DCLK1: variants seen among roughly 807,000 people sequenced by gnomAD.
The protein encoded by DCLK1 is doublecortin like kinase 1, also known as serine/threonine-protein kinase DCLK1.
DCLK1 carries 16 observed loss-of-function variants against 86.2 expected under a neutral mutation model. The observed-to-expected ratio is 0.19, with a 90% CI of 0.13 to 0.28. The LOEUF (loss-of-function observed/expected upper bound fraction) is 0.28, where lower values mean the gene tolerates loss of function less well. Among genes scored for constraint, DCLK1 ranks in the 10% least tolerant of loss-of-function variants. DCLK1 has a pLI of 1.00. For missense variants in DCLK1, 590 were observed against 940.2 expected, an observed-to-expected ratio of 0.63 and a Z score of 4.87; for synonymous variants, 369 against 370.5, an observed-to-expected ratio of 1.00 and a Z score of 0.05.
chr13:36,112,082 T>C lies in DCLK1; in HGVS notation c.510A>G (p.Lys170=), dbSNP rs1292482849. 6.2e-7 allele frequency: 1 copy of C among 1,614,214 alleles called. No individual in the cohort carries two copies. Among genetic ancestry groups the C allele is most frequent in the Non-Finnish European group, 8.5e-7 (1 of 1,180,038 alleles). The change falls in exon 3 of 17, where the codon AAA becomes AAG. Residue 170 remains lysine (K), a synonymous_variant. Coordinates refer to ENST00000360631, the MANE Select transcript of DCLK1 (RefSeq NM_001330071.2). ...TCTCTCGCACCTCTGAAGGGCTTCC[T>C]TTGGCAGTGGCCAGTGAAGACACTG... The part of the protein sequence containing the change: ...SRAVSSLATA[K]GSPSEVRENK...
intron 15 of DCLK1, 77 bp from the exon 16 acceptor site, chr13:35,793,556 T>C: frequency 9.1e-7 from 1 of 1,102,758 alleles, no homozygotes; most frequent in Non-Finnish European, 1.3e-6. Context: ...AATCTTCTAG[T>C]CACAGGCAGT....
chr13:35,832,355 C>T (rs897741613), intron 8 of DCLK1, among the ~76,000 whole-genome samples: 2 of 152,164 alleles, frequency 1.3e-5, no homozygotes, highest in African/African-American at 4.8e-5. Flanking sequence ...TCTAAGCTAA[C>T]ATGGTTTCTC....
intron 4 of DCLK1, among the ~76,000 whole-genome samples, chr13:35,917,975 C>T (rs1249621613): frequency 6.6e-6 from 1 of 152,122 alleles, no homozygotes; most frequent in Non-Finnish European, 1.5e-5. Context: ...GAAAGCCAGA[C>T]AGAAGAGAAA....
At chr13:35,845,974 A>T in intron 6 of DCLK1, 1 of 985,412 alleles carries the variant, frequency 1.0e-6, no homozygotes, top group Non-Finnish European at 1.2e-6. Flanking sequence ...GAGGAATAAC[A>T]TGGTCCAGTG....
At chr13:35,845,935 G>T in intron 6 of DCLK1, 1 of 985,280 alleles carries the variant, frequency 1.0e-6, no homozygotes. Context: ...GTTATTCTAA[G>T]GTGGTAAGTG....
chr13:36,007,076 G>C (rs1165320234), intron 3 of DCLK1, among the ~76,000 whole-genome samples: 2 of 152,128 alleles, frequency 1.3e-5, no homozygotes, highest in African/African-American at 2.4e-5. Flanking sequence ...CATGCGAGGA[G>C]AGTGTGCCCA....
chr13:35,997,289 A>C (rs2153145058), intron 3 of DCLK1, among the ~76,000 whole-genome samples: 1 of 152,352 alleles, frequency 6.6e-6, no homozygotes, highest in South Asian at 2.1e-4. Context: ...ATTACTAATG[A>C]AGATAGGCCC....
chr13:36,048,700 C>T (rs547802784), intron 3 of DCLK1, among the ~76,000 whole-genome samples: 2 of 152,276 alleles, frequency 1.3e-5, no homozygotes, highest in South Asian at 4.1e-4. Flanking sequence ...AGAGACTTTA[C>T]TTTCAGCTTT....
chr13:35,774,760 T>A (rs2153096855), intron 16 of DCLK1, 61 bp from the exon 17 acceptor site: 1 of 1,545,094 alleles, frequency 6.5e-7, no homozygotes, highest in South Asian at 1.2e-5. Flanking sequence ...CAAAACAAAC[T>A]CTTTCTAGAA....
chr13:36,112,320 C>T lies in DCLK1; in HGVS notation c.377-105G>A, dbSNP rs960571829. The T allele has an allele frequency of 1.2e-5, 10 of 820,970 alleles. No individual in the cohort carries two copies. The African/African-American group carries it at 1.7e-4, about 14-fold the overall frequency. 50.9% of individuals were successfully genotyped at this position (820,970 alleles called of 1,614,324 possible). On this transcript the variant is annotated intron_variant, in intron 2 of 16. Transcript: ENST00000360631. ...TTTCTGCTTAGGGGCAAGAGCTAGC[C>T]CTGACTTTTCAAACAATGGAAGTGT...
At chr13:36,078,336 T>A (rs538924378) in intron 3 of DCLK1, among the ~76,000 whole-genome samples, 6 of 152,302 alleles carry the variant, frequency 3.9e-5, no homozygotes, top group African/African-American at 1.4e-4. Flanking sequence ...ACAATAAGCA[T>A]ACCACTTACA....
chr13:35,963,962 G>A (rs1878594200), intron 3 of DCLK1, among the ~76,000 whole-genome samples: 2 of 152,140 alleles, frequency 1.3e-5, no homozygotes, highest in Non-Finnish European at 2.9e-5. Context: ...TAATACAATG[G>A]TAGTACAATA....
chr13:36,063,563 C>T (rs966085295), intron 3 of DCLK1, among the ~76,000 whole-genome samples: 4 of 152,118 alleles, frequency 2.6e-5, no homozygotes, highest in Non-Finnish European at 4.4e-5. Context: ...AGCAAAGAGA[C>T]GTAAGAAGTA....
rs554786769 is a variant in DCLK1 at position 36,026,276 on chromosome 13, T to C, written c.724-78819A>G. On this transcript the variant is annotated intron_variant, in intron 3 of 16. Transcript: ENST00000360631. ...AAAGAATATGCTAGAGCAGTGAATA[T>C]TGAAAGATGGCCATGCAAAAATGTC... 3.3e-5 allele frequency among the ~76,000 whole-genome samples: 5 copies of C among 152,324 alleles called. No individual in the cohort carries two copies. The South Asian group carries it at 1.0e-3, about 32-fold the overall frequency.
rs763961642 is a variant in DCLK1 at position 35,869,076 on chromosome 13, C to T, written c.940+2148G>A. On this transcript the variant is annotated intron_variant, in intron 5 of 16. Transcript: ENST00000360631. Reference sequence around the variant, plus strand: ...AAAGTTCTGGGATTACAGGTATGAGCCACCAGGCCCGGGCCTATAGCCCAG... The same window carrying T: ...AAAGTTCTGGGATTACAGGTATGAGTCACCAGGCCCGGGCCTATAGCCCAG... 8 of 503,018 alleles carry T rather than the reference C, an allele frequency of 1.6e-5. No individual in the cohort carries two copies. The Admixed American group carries it at 1.6e-4, about 10-fold the overall frequency. 31.2% of individuals were successfully genotyped at this position (503,018 alleles called of 1,614,324 possible). A position where few individuals can be genotyped will look rare whatever the true frequency, so the allele number is the denominator to read the frequency against.
intron 12 of DCLK1, among the ~76,000 whole-genome samples, chr13:35,810,631 C>T (rs562878270): frequency 6.6e-6 from 1 of 152,248 alleles, no homozygotes; most frequent in Non-Finnish European, 1.5e-5. Flanking sequence ...CTTAAGATTG[C>T]AGTAATTGAC....
In DCLK1 at chr13:35,945,089, G is replaced by A. The variant is rs553098154; in HGVS notation, c.823+2269C>T. 6.6e-5 allele frequency among the ~76,000 whole-genome samples: 10 copies of A among 152,098 alleles called. No homozygotes were observed. The East Asian group carries it at 1.8e-3, about 27-fold the overall frequency. On this transcript the variant is annotated intron_variant, in intron 4 of 16. Coordinates refer to ENST00000360631, the MANE Select transcript of DCLK1 (RefSeq NM_001330071.2). ...CTAATTTTGTATTTTTAGTAGAGAC[G>A]GGGTTTCTCCATGTTGGTCAGGCTG... is the stretch of plus-strand genomic sequence containing the variant.
chr13:36,000,425 G>T (rs930526416), intron 3 of DCLK1, among the ~76,000 whole-genome samples: 1 of 152,074 alleles, frequency 6.6e-6, no homozygotes, highest in South Asian at 2.1e-4. Context: ...CAGCTACCAG[G>T]CATTGCAGGT....
At chr13:35,805,573 A>G in intron 15 of DCLK1, 126 bp downstream of exon 15, 2 of 899,298 alleles carry the variant, frequency 2.2e-6, no homozygotes, top group Admixed American at 4.8e-5. Flanking sequence ...GGCTGAGATT[A>G]CAGGCGTGAG....
Sources: gnomAD v4.1 joint callset for allele counts (sites outside exome capture counted in the v4.1 genomes callset) on GRCh38, gnomAD v4.1.1 for gene constraint, MANE v1.5 for transcripts, NCBI Gene and HGNC (gene_info 2026-07-23, HGNC 2026-07-21) for gene names.